The following LRP1B variants were observed in gnomAD, a reference collection of about 807,000 sequenced individuals.
LRP1B encodes the protein LDL receptor related protein 1B.
A neutral mutation model predicts 556.6 loss-of-function variants in LRP1B; 217 were observed. The ratio of observed to expected loss-of-function variants is 0.39; its 90% confidence interval spans 0.35 to 0.44. The LOEUF (loss-of-function observed/expected upper bound fraction) is 0.44, where lower values mean the gene tolerates loss of function less well. LRP1B is among the 20% of genes least tolerant of loss of function. LRP1B has a pLI of 1.00. For missense variants in LRP1B, 5,053 were observed against 5,620.8 expected, an observed-to-expected ratio of 0.90 and a Z score of 3.23; for synonymous variants, 2,047 against 1,865.8, an observed-to-expected ratio of 1.10 and a Z score of -2.50.
intron 20 of LRP1B, among the ~76,000 whole-genome samples, chr2:140,936,876 G>A (rs1237002409): frequency 6.6e-6 from 1 of 151,932 alleles, no homozygotes; most frequent in Non-Finnish European, 1.5e-5. Context: ...GTGTTTTCTG[G>A]CATTAAAAGT....
intron 41 of LRP1B, among the ~76,000 whole-genome samples, chr2:140,671,872 G>T (rs943804989): frequency 7.2e-5 from 11 of 152,100 alleles, no homozygotes; most frequent in Non-Finnish European, 1.5e-5. Flanking sequence ...GTTGTTCCTG[G>T]TTCTCAAAGA....
intron 2 of LRP1B, among the ~76,000 whole-genome samples, chr2:141,645,291 A>C (rs567644812): frequency 2.6e-5 from 4 of 152,188 alleles, no homozygotes; most frequent in Non-Finnish European, 5.9e-5. Context: ...ATGACCTTCA[A>C]AGTCCCCCAA....
chr2:141,121,741 A>G (rs1242970702), intron 7 of LRP1B, among the ~76,000 whole-genome samples: 2 of 151,710 alleles, frequency 1.3e-5, no homozygotes, highest in Non-Finnish European at 2.9e-5. Flanking sequence ...CAGAATTGGG[A>G]AAAAAACTAC....
chr2:142,003,946 G>A (rs962273239), intron 1 of LRP1B, among the ~76,000 whole-genome samples: 1 of 152,152 alleles, frequency 6.6e-6, no homozygotes, highest in East Asian at 1.9e-4. Flanking sequence ...GCTGGTAAAG[G>A]AAATAGCATA....
At chr2:140,419,320 AAGAG>A (rs774932569) in intron 66 of LRP1B, among the ~76,000 whole-genome samples, 14 of 152,234 alleles carry the variant, frequency 9.2e-5, no homozygotes, top group Non-Finnish European at 1.6e-4. Flanking sequence ...GGTAGAACTG[AAGAG>A]AGAAATAGAC....
chr2:141,258,657 G>A (rs1012175502), intron 3 of LRP1B, among the ~76,000 whole-genome samples: 2 of 152,046 alleles, frequency 1.3e-5, no homozygotes, highest in Non-Finnish European at 2.9e-5. Context: ...CCAATGTTGG[G>A]GTAGAAACCT....
rs192993862 is a variant in LRP1B at position 140,270,024 on chromosome 2, G to C, written c.13247+218C>G. ...GGTCTATGCATGTCTGAAATGGTAC[G>C]ATGCTGAGAACAGAATGAGCTCTTC... On this transcript the variant is annotated intron_variant, in intron 86 of 90. Coordinates refer to ENST00000389484, the MANE Select transcript of LRP1B (RefSeq NM_018557.3). Among the ~76,000 whole-genome samples the C allele has an allele frequency of 3.9e-5, 6 of 152,062 alleles. No individual in the cohort carries two copies. In the East Asian group the frequency reaches 1.2e-3, roughly 30 times the overall value.
At chr2:141,929,700 G>C (rs561625159) in intron 1 of LRP1B, among the ~76,000 whole-genome samples, 1 of 151,916 alleles carries the variant, frequency 6.6e-6, no homozygotes, top group East Asian at 1.9e-4. Context: ...GTATGCTCTG[G>C]CTTCCTTAAA....
At chr2:140,696,677 T>A (rs998122488) in intron 41 of LRP1B, among the ~76,000 whole-genome samples, 12 of 152,116 alleles carry the variant, frequency 7.9e-5, no homozygotes, top group African/African-American at 2.7e-4. Context: ...TGCTGTCAGA[T>A]CAGCAATGGC....
intron 83 of LRP1B, among the ~76,000 whole-genome samples, chr2:140,300,544 A>G (rs1683778746): frequency 6.6e-6 from 1 of 152,190 alleles, no homozygotes; most frequent in African/African-American, 2.4e-5. Context: ...GGGTAGCACA[A>G]TATGAAAGAA....
At chr2:140,702,006 C>A in intron 39 of LRP1B, 135 bp downstream of exon 39, 1 of 1,320,110 alleles carries the variant, frequency 7.6e-7, no homozygotes, top group Non-Finnish European at 1.1e-6. Flanking sequence ...GAGTACCTGC[C>A]TTTTCTGTGG....
At chr2:140,592,935 GAC>G (rs10594387) in intron 43 of LRP1B, among the ~76,000 whole-genome samples, 20,515 of 148,860 alleles carry the variant, frequency 0.14, 1,583 homozygotes, top group South Asian at 0.25. Flanking sequence ...GTGAGATCCT[GAC>G]ACACACACAC....
intron 41 of LRP1B, among the ~76,000 whole-genome samples, chr2:140,623,290 C>T (rs929665503): frequency 2.6e-5 from 4 of 152,058 alleles, no homozygotes; most frequent in African/African-American, 7.2e-5. Context: ...CAGTTTACAA[C>T]AATTTGTTTG....
intron 7 of LRP1B, among the ~76,000 whole-genome samples, chr2:141,091,107 ATTTG>A (rs1368430799): frequency 5.9e-5 from 9 of 152,168 alleles, no homozygotes; most frequent in African/African-American, 2.2e-4. Context: ...AGGAATCTCA[ATTTG>A]TTTGTGTTTC....
intron 1 of LRP1B, among the ~76,000 whole-genome samples, chr2:141,931,035 A>T (rs1700487712): frequency 6.6e-6 from 1 of 152,022 alleles, no homozygotes; most frequent in South Asian, 2.1e-4. Flanking sequence ...TGACCAATAC[A>T]CATGAATAAA....
At chr2:140,986,227 A>G (rs1437673857) in intron 17 of LRP1B, among the ~76,000 whole-genome samples, 1 of 151,874 alleles carries the variant, frequency 6.6e-6, no homozygotes, top group Non-Finnish European at 1.5e-5. Flanking sequence ...CATTTCTTTC[A>G]TGAATAGAAC....
At chr2:140,589,209 A>G (rs1163020298) in intron 43 of LRP1B, among the ~76,000 whole-genome samples, 1 of 152,194 alleles carries the variant, frequency 6.6e-6, no homozygotes, top group African/African-American at 2.4e-5. Flanking sequence ...TAATCAAAAT[A>G]AATTTTGCTC....
At chr2:141,407,491 G>A (rs1690684945) in intron 3 of LRP1B, among the ~76,000 whole-genome samples, 1 of 152,130 alleles carries the variant, frequency 6.6e-6, no homozygotes, top group Admixed American at 6.5e-5. Flanking sequence ...CTAGTGGGAG[G>A]TGTTTGGATC....
intron 3 of LRP1B, among the ~76,000 whole-genome samples, chr2:141,435,202 T>C (rs532961390): frequency 7.2e-4 from 109 of 152,224 alleles, no homozygotes; most frequent in African/African-American, 2.5e-3. Context: ...ATATATTTTG[T>C]TTTTTGGTCA....
Sources: gnomAD v4.1 joint callset for allele counts (sites outside exome capture counted in the v4.1 genomes callset) on GRCh38, gnomAD v4.1.1 for gene constraint, MANE v1.5 for transcripts, NCBI Gene and HGNC (gene_info 2026-07-23, HGNC 2026-07-21) for gene names.